CNTN4: variants seen among roughly 807,000 people sequenced by gnomAD.
CNTN4 encodes the protein contactin 4, also known as contactin-4.
Under a neutral mutation model 122.5 loss-of-function variants are expected in CNTN4, and 77 were observed. The ratio of observed to expected loss-of-function variants is 0.63; its 90% CI spans 0.52 to 0.76. The LOEUF is 0.76. Ranked by LOEUF, CNTN4 falls within the 30% of genes least tolerant of loss-of-function variation. The pLI is 0.00. For missense variants in CNTN4, 1,256 were observed against 1,259.1 expected (o/e 1.00, Z 0.04); for synonymous variants, 512 against 447.0 (o/e 1.15, Z -1.83).
chr3:2,689,005 C>T (rs1251485005), intron 4 of CNTN4, among the ~76,000 whole-genome samples: 1 of 152,124 alleles, frequency 6.6e-6, no homozygotes, highest in Non-Finnish European at 1.5e-5. Context: ...ACCAGTCATC[C>T]ACAGTTGAGA....
rs1043936460 is a variant in CNTN4 at position 2,994,396 on chromosome 3, G to T, written c.1486+5924G>T. ...TACTTTAAGTAGCTTTAATAGAAAAGAAGTCTTTAGTGGAAATTGACTAAG... is the reference window on the plus strand; with the variant it reads ...TACTTTAAGTAGCTTTAATAGAAAATAAGTCTTTAGTGGAAATTGACTAAG... On this transcript the variant is annotated intron_variant, in intron 14 of 24. Coordinates refer to ENST00000418658, the MANE Select transcript of CNTN4 (RefSeq NM_175607.3). Among the ~76,000 whole-genome samples, 4 of 151,828 alleles carry T rather than the reference G, an allele frequency of 2.6e-5. No homozygotes were observed. The South Asian group carries it at 8.3e-4, about 32-fold the overall frequency.
intron 14 of CNTN4, among the ~76,000 whole-genome samples, chr3:2,995,932 T>C (rs919780499): frequency 3.3e-5 from 5 of 152,228 alleles, no homozygotes; most frequent in Non-Finnish European, 5.9e-5. Context: ...AAGGTGTTCC[T>C]TGTGTTGTTG....
chr3:2,972,982 G>A (rs750205546), intron 13 of CNTN4, among the ~76,000 whole-genome samples: 21 of 151,912 alleles, frequency 1.4e-4, no homozygotes, highest in Non-Finnish European at 2.8e-4. Context: ...GGCCCTTGTA[G>A]ATTTGGGCTA....
intron 3 of CNTN4, among the ~76,000 whole-genome samples, chr3:2,515,920 A>G (rs912149299): frequency 6.6e-6 from 1 of 152,126 alleles, no homozygotes; most frequent in Non-Finnish European, 1.5e-5. Flanking sequence ...ATATATATAC[A>G]CACACACTTA....
At chr3:2,872,817 T>G (rs2093801700) in intron 8 of CNTN4, among the ~76,000 whole-genome samples, 2 of 152,174 alleles carry the variant, frequency 1.3e-5, no homozygotes, top group South Asian at 4.1e-4. Flanking sequence ...AATGTAAAGT[T>G]AACTTCTCTA....
At position 2,123,109 on chromosome 3, in the gene CNTN4, C is replaced by T. The variant is rs147847377; in HGVS notation, c.-145+22470C>T. On this transcript the variant is annotated intron_variant, in intron 2 of 24. Transcript: ENST00000418658. ...GATAACCTAGCTGATCTTCTGAGAA[C>T]CCTCAGCCAGACACAGTGGAGTTTA... 8.9e-3 allele frequency among the ~76,000 whole-genome samples: 1,357 copies of T among 152,288 alleles called. 10 individuals carry two copies. The highest frequency in any genetic ancestry group is 0.025 in the Admixed American group (376 of 15,300).
intron 2 of CNTN4, among the ~76,000 whole-genome samples, chr3:2,171,994 G>A (rs1017864710): frequency 6.6e-6 from 1 of 152,142 alleles, no homozygotes; most frequent in Non-Finnish European, 1.5e-5. Context: ...TGGAGCCCAC[G>A]CTCAATCAGC....
chr3:2,799,654 G>A (rs2092297774), intron 6 of CNTN4, among the ~76,000 whole-genome samples: 5 of 152,048 alleles, frequency 3.3e-5, no homozygotes, highest in Admixed American at 3.3e-4. Context: ...AGTAGAGACG[G>A]AATTTCGCCA....
chr3:2,303,636 ATCTG>A (rs1415941614), intron 2 of CNTN4, among the ~76,000 whole-genome samples: 1 of 152,152 alleles, frequency 6.6e-6, no homozygotes. Flanking sequence ...GCTGTCTGTT[ATCTG>A]TCTTTCTCAT....
chr3:2,220,707 A>G (rs1219383587), intron 2 of CNTN4, among the ~76,000 whole-genome samples: 5 of 152,148 alleles, frequency 3.3e-5, no homozygotes, highest in Admixed American at 1.3e-4. Flanking sequence ...TTACATAGAT[A>G]ATAATTGCAA....
intron 2 of CNTN4, among the ~76,000 whole-genome samples, chr3:2,148,988 A>G (rs2035377961): frequency 6.6e-6 from 1 of 151,506 alleles, no homozygotes; most frequent in African/African-American, 2.4e-5. Flanking sequence ...GGTGGTGTCT[A>G]AGGAGTAAAT....
At chr3:2,297,196 G>A (rs2150042441) in intron 2 of CNTN4, among the ~76,000 whole-genome samples, 1 of 152,202 alleles carries the variant, frequency 6.6e-6, no homozygotes, top group South Asian at 2.1e-4. Context: ...TTGATGTGTG[G>A]TATCAAATAA....
intron 6 of CNTN4, among the ~76,000 whole-genome samples, chr3:2,754,557 C>G (rs2090241615): frequency 1.3e-5 from 2 of 151,990 alleles, no homozygotes; most frequent in Non-Finnish European, 2.9e-5. Context: ...TGCCCTACAT[C>G]TCTACCCTCT....
intron 2 of CNTN4, among the ~76,000 whole-genome samples, chr3:2,309,484 G>A (rs566603792): frequency 6.6e-6 from 1 of 152,228 alleles, no homozygotes; most frequent in East Asian, 1.9e-4. Flanking sequence ...ATTGATGCCT[G>A]TGTTTCCTAC....
At chr3:3,038,435 C>T (rs1699819363) in intron 18 of CNTN4, among the ~76,000 whole-genome samples, 1 of 152,182 alleles carries the variant, frequency 6.6e-6, no homozygotes, top group Non-Finnish European at 1.5e-5. Flanking sequence ...GAGCAGGGCG[C>T]TACTCCGGAA....
intron 4 of CNTN4, among the ~76,000 whole-genome samples, chr3:2,604,891 A>T (rs753402619): frequency 6.6e-6 from 1 of 152,164 alleles, no homozygotes; most frequent in Non-Finnish European, 1.5e-5. Flanking sequence ...GAAATATAAG[A>T]TCTACCCTCT....
intron 3 of CNTN4, among the ~76,000 whole-genome samples, chr3:2,344,726 C>G (rs1240289748): frequency 6.6e-6 from 1 of 152,142 alleles, no homozygotes; most frequent in East Asian, 1.9e-4. Flanking sequence ...CTGATTAGCT[C>G]TTTTGTTAGC....
At chr3:3,025,389 C>CA (rs1310556145) in intron 14 of CNTN4, among the ~76,000 whole-genome samples, 2 of 151,956 alleles carry the variant, frequency 1.3e-5, no homozygotes, top group Non-Finnish European at 2.9e-5. Context: ...CAACTAGTTT[C>CA]AAAATGGTTA....
intron 4 of CNTN4, among the ~76,000 whole-genome samples, chr3:2,613,143 T>G (rs1369612984): frequency 6.6e-6 from 1 of 151,494 alleles, no homozygotes; most frequent in Non-Finnish European, 1.5e-5. Flanking sequence ...AACTTAGTTT[T>G]ACTTAAGATA....
Sources: gnomAD v4.1 joint callset for allele counts (sites outside exome capture counted in the v4.1 genomes callset) on GRCh38, gnomAD v4.1.1 for gene constraint, MANE v1.5 for transcripts, NCBI Gene and HGNC (gene_info 2026-07-23, HGNC 2026-07-21) for gene names.